The following CREB3L1 variants were observed in gnomAD, a reference collection of about 807,000 sequenced individuals.
The protein encoded by CREB3L1 is cyclic AMP-responsive element-binding protein 3-like protein 1.
In CREB3L1, 33 loss-of-function variants were observed where a neutral mutation model predicts 54.5. That is an observed-to-expected ratio of 0.61 (90% CI 0.46 to 0.81). The LOEUF is 0.81. Ranked by LOEUF, CREB3L1 falls within the 30% of genes least tolerant of loss-of-function variation. The probability of loss-of-function intolerance (pLI) is 0.00; values close to 1 mark genes in which losing one functional copy is unlikely to be tolerated. For synonymous variants in CREB3L1, 284 were observed against 286.4 expected, an observed-to-expected ratio of 0.99 and a Z score of 0.08; for missense variants, 656 against 673.3, an observed-to-expected ratio of 0.97 and a Z score of 0.29.
At chr11:46,297,403 A>C (rs1285192426) in intron 1 of CREB3L1, among the ~76,000 whole-genome samples, 1 of 145,898 alleles carries the variant, frequency 6.9e-6, no homozygotes, top group Non-Finnish European at 1.5e-5. Context: ...CACCAGTATC[A>C]TGAGCCAGGT....
At chr11:46,309,042 C>A (rs927789400) in intron 3 of CREB3L1, among the ~76,000 whole-genome samples, 1 of 152,174 alleles carries the variant, frequency 6.6e-6, no homozygotes, top group African/African-American at 2.4e-5. Context: ...CCTGCCAGAC[C>A]CTGAAGCCCA....
At chr11:46,291,482 C>G (rs918908579) in intron 1 of CREB3L1, among the ~76,000 whole-genome samples, 1 of 152,166 alleles carries the variant, frequency 6.6e-6, no homozygotes, top group African/African-American at 2.4e-5. Context: ...ATAGCAGAAC[C>G]AGGATTAGAA....
chr11:46,313,799 C>G (rs768950745), intron 8 of CREB3L1, among the ~76,000 whole-genome samples: 22 of 152,336 alleles, frequency 1.4e-4, no homozygotes, highest in Non-Finnish European at 2.8e-4. Flanking sequence ...AGTATAGAGA[C>G]AGCAGGACAG....
At chr11:46,279,768 C>G (rs1034774913) in intron 1 of CREB3L1, among the ~76,000 whole-genome samples, 1 of 152,182 alleles carries the variant, frequency 6.6e-6, no homozygotes. Context: ...AGCTCGGACC[C>G]TTGAAGTCAA....
chr11:46,311,172 C>A lies in CREB3L1; in HGVS notation c.736C>A (p.Leu246Ile). 2 of 1,592,722 alleles carry A rather than the reference C, an allele frequency of 1.3e-6. No individual in the cohort carries two copies. Among genetic ancestry groups the A allele is most frequent in the South Asian group, 2.2e-5 (2 of 89,572 alleles). ...CTCCACGGCCATCTCCACCTCCCCA[C>A]TCCTCACTGCCCCTCACGTAAGGAG... ...RSSTAISTSP[L>I]LTAPHKLQGT... The change falls in exon 5 of 12, where the codon CTC (leucine) becomes ATC (isoleucine). Residue 246 changes from leucine to isoleucine, a missense_variant. This residue lies in a region of CREB3L1 where 339 missense variants were observed against 331.5 expected (regional missense o/e 1.02). Transcript: ENST00000621158.
intron 8 of CREB3L1, among the ~76,000 whole-genome samples, chr11:46,314,369 A>T (rs750336331): frequency 4.6e-5 from 7 of 151,824 alleles, no homozygotes; most frequent in Non-Finnish European, 1.0e-4. Context: ...GTTAGCTTTT[A>T]TTCTTCTTTC....
At chr11:46,292,232 G>T (rs1442942005) in intron 1 of CREB3L1, among the ~76,000 whole-genome samples, 1 of 152,216 alleles carries the variant, frequency 6.6e-6, no homozygotes, top group Non-Finnish European at 1.5e-5. Context: ...CCGAGGGAAG[G>T]GGTCCAAACA....
At chr11:46,293,844 T>A (rs1209459330) in intron 1 of CREB3L1, among the ~76,000 whole-genome samples, 4 of 152,222 alleles carry the variant, frequency 2.6e-5, no homozygotes, top group Non-Finnish European at 4.4e-5. Context: ...TGTGATCCTG[T>A]GTCTGGGGTG....
chr11:46,311,753 C>T (rs1055684110), intron 5 of CREB3L1, among the ~76,000 whole-genome samples: 2 of 152,210 alleles, frequency 1.3e-5, no homozygotes, highest in African/African-American at 2.4e-5. Context: ...ACTTCAGCCT[C>T]CCAAAGGGCT....
intron 3 of CREB3L1, among the ~76,000 whole-genome samples, chr11:46,308,365 A>G (rs976166223): frequency 1.2e-4 from 19 of 152,196 alleles, no homozygotes; most frequent in Non-Finnish European, 1.8e-4. Context: ...TTAAAAAAGA[A>G]AAAAGACCAA....
chr11:46,308,103 G>A (rs559467318), intron 3 of CREB3L1, 103 bp downstream of exon 3: 132 of 1,103,824 alleles, frequency 1.2e-4, no homozygotes, highest in Non-Finnish European at 1.5e-4. Flanking sequence ...CTGTGAACAG[G>A]AAGACATGAG....
At chr11:46,299,152 TTC>T (rs1009483525) in intron 1 of CREB3L1, among the ~76,000 whole-genome samples, 5 of 152,238 alleles carry the variant, frequency 3.3e-5, no homozygotes, top group African/African-American at 1.2e-4. Context: ...ACTTTTTTTT[TTC>T]TGTTTTATTT....
Position 46,320,519 on chromosome 11 carries a change from TC to T in CREB3L1, c.1516del (p.His506ThrfsTer65). On this transcript the variant is annotated frameshift_variant, in exon 11 of 12. Transcript: ENST00000621158. LOFTEE classifies it high-confidence loss of function. Reference protein sequence around the residue: ...SPDFSHSKEWFHDRDLGPNTT... With the variant: ...SPDFSHSKEWXHDRDLGPNTT... ...GACTTCTCCCACTCCAAGGAGTGGT[TC>T]CACGACAGGTGGGGTGTGTGGCCCC... 1 of 1,467,998 alleles carries T rather than the reference TC, an allele frequency of 6.8e-7. No homozygotes were observed. The highest frequency in any genetic ancestry group is 9.0e-7 in the Non-Finnish European group (1 of 1,114,348). The allele number at this position is 1,467,998 out of a possible 1,614,324, so 90.9% of individuals were successfully genotyped here. A position where few individuals can be genotyped will look rare whatever the true frequency, so the allele number is the denominator to read the frequency against.
At chr11:46,318,234 T>C (rs1409318183) in intron 10 of CREB3L1, among the ~76,000 whole-genome samples, 1 of 150,450 alleles carries the variant, frequency 6.6e-6, no homozygotes, top group East Asian at 1.9e-4. Context: ...AAAAGAAGGA[T>C]CCTGAGGCAC....
intron 1 of CREB3L1, among the ~76,000 whole-genome samples, chr11:46,279,871 C>A (rs891961834): frequency 2.0e-5 from 3 of 152,208 alleles, no homozygotes; most frequent in African/African-American, 7.2e-5. Flanking sequence ...CCCGAAGCCT[C>A]TTCCTGCTGC....
intron 1 of CREB3L1, among the ~76,000 whole-genome samples, chr11:46,296,289 G>T (rs1939209738): frequency 6.6e-6 from 1 of 152,082 alleles, no homozygotes; most frequent in South Asian, 2.1e-4. Flanking sequence ...GGCTTTCCAG[G>T]GATGGGGCCA....
At chr11:46,291,845 GA>G (rs1400102625) in intron 1 of CREB3L1, among the ~76,000 whole-genome samples, 16 of 152,308 alleles carry the variant, frequency 1.1e-4, no homozygotes, top group African/African-American at 3.8e-4. Flanking sequence ...AGTAAATAAG[GA>G]GAGAGAATAC....
intron 1 of CREB3L1, among the ~76,000 whole-genome samples, chr11:46,281,584 G>A (rs1281559951): frequency 6.6e-6 from 1 of 152,240 alleles, no homozygotes; most frequent in Non-Finnish European, 1.5e-5. Context: ...GAGGCCAGGT[G>A]TGGGAGTGAC....
intron 1 of CREB3L1, among the ~76,000 whole-genome samples, chr11:46,279,801 T>A (rs1938939290): frequency 6.6e-6 from 1 of 152,230 alleles, no homozygotes; most frequent in Admixed American, 6.5e-5. Context: ...AGCCCTGCAG[T>A]AAGCTTCTCT....
Sources: allele counts gnomAD v4.1 joint callset (sites outside exome capture counted in the v4.1 genomes callset), GRCh38; gene constraint gnomAD v4.1.1; regional missense constraint gnomAD v4.1.1; transcripts MANE v1.5; gene names NCBI Gene and HGNC (gene_info 2026-07-23, HGNC 2026-07-21).